Variants in CAV3 observed in about 807,000 individuals in gnomAD.
The protein encoded by CAV3 is caveolin-3.
Under a neutral mutation model 13.4 loss-of-function variants are expected in CAV3, and 10 were observed. That is an observed-to-expected ratio of 0.75 (90% CI 0.46 to 1.27). The LOEUF (loss-of-function observed/expected upper bound fraction) is 1.27, where lower values mean the gene tolerates loss of function less well. Ranked by LOEUF, CAV3 falls within the 50% of genes most tolerant of loss-of-function variation. The pLI is 0.00. For synonymous variants in CAV3, 90 were observed against 79.0 expected (o/e 1.14, Z -0.74); for missense variants, 162 against 194.0 (o/e 0.83, Z 0.98).
intron 1 of CAV3, among the ~76,000 whole-genome samples, chr3:8,738,396 G>A (rs1240550033): frequency 1.3e-5 from 2 of 152,218 alleles, no homozygotes; most frequent in Admixed American, 6.5e-5. Flanking sequence ...CTTGTTCCAG[G>A]TTTGTGCTCA....
intron 1 of CAV3, among the ~76,000 whole-genome samples, chr3:8,735,634 G>A (rs996604044): frequency 1.1e-4 from 16 of 152,306 alleles, no homozygotes; most frequent in African/African-American, 3.6e-4. Flanking sequence ...CGGTCTTTCA[G>A]TGGGGCACCT....
At chr3:8,742,504 G>A (rs147023912) in intron 1 of CAV3, 322 of 456,708 alleles carry the variant, frequency 7.1e-4, no homozygotes, top group Non-Finnish European at 1.1e-3. Flanking sequence ...AGCACAGACT[G>A]AGACACACGC....
rs79198901 is a variant in CAV3 at position 8,745,253 on chromosome 3, T to C, written c.115-273T>C. Among the ~76,000 whole-genome samples the C allele has an allele frequency of 0.012, 1,812 of 152,196 alleles. 31 individuals carry two copies. The highest frequency in any genetic ancestry group is 0.042 in the African/African-American group (1,732 of 41,504). On this transcript the variant is annotated intron_variant, in intron 1 of 1. Transcript: ENST00000343849. This position sits in a 1 kb window ranked among gnomAD's most constrained non-coding sequence, Gnocchi z 4.8. ...CCCTTCTCTAGCCATGGTTGAAAGC[T>C]CCCTGCGGCCTCACCTGAAGCCAAG...
intron 1 of CAV3, chr3:8,742,614 AT>A: frequency 2.2e-6 from 1 of 445,520 alleles, no homozygotes; most frequent in South Asian, 1.6e-5. Flanking sequence ...TGAAGGAATA[AT>A]TACCATCACT....
chr3:8,741,747 G>T (rs1371684715), intron 1 of CAV3, among the ~76,000 whole-genome samples: 1 of 152,138 alleles, frequency 6.6e-6, no homozygotes, highest in Non-Finnish European at 1.5e-5. Context: ...GGACTCTGGG[G>T]GAGGTATTTT....
intron 1 of CAV3, among the ~76,000 whole-genome samples, chr3:8,737,420 T>G (rs543680204): frequency 1.3e-5 from 2 of 151,486 alleles, no homozygotes; most frequent in East Asian, 3.9e-4. Context: ...GGATGAAGAG[T>G]AGGAGATAGG....
chr3:8,734,275 T>C (rs1038552844), intron 1 of CAV3, among the ~76,000 whole-genome samples: 4 of 152,128 alleles, frequency 2.6e-5, no homozygotes, highest in Non-Finnish European at 2.9e-5. Context: ...CCCTCCTTAC[T>C]ACTGTGACGC....
chr3:8,737,118 G>C (rs1306165281), intron 1 of CAV3, among the ~76,000 whole-genome samples: 1 of 152,158 alleles, frequency 6.6e-6, no homozygotes, highest in African/African-American at 2.4e-5. Context: ...GGGAATGAGG[G>C]AGACAGAGAG....
intron 1 of CAV3, among the ~76,000 whole-genome samples, chr3:8,741,524 G>A (rs1000111300): frequency 1.3e-5 from 2 of 152,062 alleles, no homozygotes; most frequent in Non-Finnish European, 2.9e-5. Context: ...TGGCCCAATC[G>A]TCTCTGTGTA....
In CAV3 at chr3:8,733,915, C is replaced by T. The variant is rs200562715; in HGVS notation, c.39C>T (p.Ile13=). Reference sequence around the variant, plus strand: ...AGCACACAGATCTCGAGGCCCAGATCGTCAAGGATATCCACTGCAAGGAGA... The same window carrying T: ...AGCACACAGATCTCGAGGCCCAGATTGTCAAGGATATCCACTGCAAGGAGA... ...AEEHTDLEAQ[I]VKDIHCKEID... is the part of the protein sequence containing the mutation. The change falls in exon 1 of 2, where the codon ATC becomes ATT. Residue 13 remains isoleucine, a synonymous_variant. Transcript: ENST00000343849. 6.7e-5 allele frequency: 108 copies of T among 1,613,270 alleles called. No homozygotes were observed. In the East Asian group the frequency reaches 1.4e-3, roughly 21 times the overall value.
At position 8,733,889 on chromosome 3, in the gene CAV3, G is replaced by A. The variant is rs1428083740; in HGVS notation, c.13G>A (p.Glu5Lys). 2 of 1,609,378 alleles carry A rather than the reference G, an allele frequency of 1.2e-6. No individual in the cohort carries two copies. The highest frequency in any genetic ancestry group is 4.5e-5 in the East Asian group (2 of 44,874). Reference protein sequence around the residue: MMAEEHTDLEAQIVK... With the variant: MMAEKHTDLEAQIVK... ...CCCCAGCTCTGCGATGATGGCAGAA[G>A]AGCACACAGATCTCGAGGCCCAGAT... Residue 5 changes from glutamate (E) to lysine (K), a missense_variant, in exon 1 of 2, where the codon GAG (glutamate) becomes AAG (lysine). Coordinates refer to ENST00000343849, the MANE Select transcript of CAV3 (RefSeq NM_033337.3).
At position 8,745,519 on chromosome 3, in the gene CAV3, C is replaced by T; in HGVS notation, c.115-7C>T. On this transcript the variant is annotated splice_region_variant and splice_polypyrimidine_tract_variant and intron_variant, in intron 1 of 1. Coordinates refer to ENST00000343849, the MANE Select transcript of CAV3 (RefSeq NM_033337.3). The surrounding 1 kb of genome is among the most constrained non-coding windows in gnomAD (Gnocchi z 4.8). Reference sequence around the variant, plus strand: ...TGAGTTGAGGCTTCCCCTTGCCACCCCTGCAGGTGGATTTTGAAGACGTGA... The same window carrying T: ...TGAGTTGAGGCTTCCCCTTGCCACCTCTGCAGGTGGATTTTGAAGACGTGA... 6.2e-7 allele frequency: 1 copy of T among 1,611,662 alleles called. No individual in the cohort carries two copies. Among genetic ancestry groups the T allele is most frequent in the East Asian group, 2.2e-5 (1 of 44,864 alleles).
chr3:8,744,217 G>A lies in CAV3; in HGVS notation c.115-1309G>A, dbSNP rs1375175286. Among the ~76,000 whole-genome samples, 4 of 152,138 alleles carry A rather than the reference G, an allele frequency of 2.6e-5. No homozygotes were observed. The East Asian group carries it at 5.8e-4, about 22-fold the overall frequency. Reference sequence around the variant, plus strand: ...GGCGGGCTGTACTGGTAACAACCATGGGGAGACCAGTCATGAAGCAGCTAA... The same window carrying A: ...GGCGGGCTGTACTGGTAACAACCATAGGGAGACCAGTCATGAAGCAGCTAA... On this transcript the variant is annotated intron_variant, in intron 1 of 1. Coordinates refer to ENST00000343849, the MANE Select transcript of CAV3 (RefSeq NM_033337.3).
chr3:8,745,575 AC>A lies in CAV3; in HGVS notation c.165del (p.Asp55GlufsTer6), dbSNP rs780411707. ...IAEPVGTYSF[D>X]GVWKVSYTTF... ...GAGCCTGTGGGCACCTACAGCTTTG[AC>A]GGCGTGTGGAAGGTGAGCTACACCA... On this transcript the variant is annotated frameshift_variant, in exon 2 of 2. Coordinates refer to ENST00000343849, the MANE Select transcript of CAV3 (RefSeq NM_033337.3). LOFTEE classifies it high-confidence loss of function. This position sits in a 1 kb window ranked among gnomAD's most constrained non-coding sequence, Gnocchi z 4.8. 6.2e-7 allele frequency: 1 copy of A among 1,614,002 alleles called. No individual in the cohort carries two copies. The highest frequency in any genetic ancestry group is 1.3e-5 in the African/African-American group (1 of 74,918).
chr3:8,744,273 G>A (rs1017833344), intron 1 of CAV3, among the ~76,000 whole-genome samples: 30 of 141,208 alleles, frequency 2.1e-4, no homozygotes, highest in African/African-American at 7.3e-4. Context: ...TTGACCAGTG[G>A]AATTTTTTTT....
intron 1 of CAV3, among the ~76,000 whole-genome samples, chr3:8,735,578 C>T (rs1707725700): frequency 6.6e-6 from 1 of 152,206 alleles, no homozygotes; most frequent in Non-Finnish European, 1.5e-5. Context: ...AGCCACATTT[C>T]AAGCGCTCAA....
Position 8,745,995 on chromosome 3 carries a change from G to T in CAV3, c.*128G>T. On this transcript the variant is annotated 3_prime_UTR_variant, in exon 2 of 2. Coordinates refer to ENST00000343849, the MANE Select transcript of CAV3 (RefSeq NM_033337.3). The surrounding 1 kb of genome is among the most constrained non-coding windows in gnomAD (Gnocchi z 4.8). The stretch of plus-strand genomic sequence containing the variant: ...GGACTGCTCCATACCCCATGATGGA[G>T]CACACGGTGTAGGGAAGCCAGAAAG... The T allele has an allele frequency of 1.4e-6, 1 of 711,006 alleles. No individual in the cohort carries two copies. The highest frequency in any genetic ancestry group is 2.3e-6 in the Non-Finnish European group (1 of 432,152). 44.0% of individuals were successfully genotyped at this position (711,006 alleles called of 1,614,324 possible).
At chr3:8,737,829 G>C (rs1475358766) in intron 1 of CAV3, among the ~76,000 whole-genome samples, 1 of 151,940 alleles carries the variant, frequency 6.6e-6, no homozygotes, top group Non-Finnish European at 1.5e-5. Flanking sequence ...CTCACCAGCA[G>C]GTACACCCAA....
intron 1 of CAV3, among the ~76,000 whole-genome samples, chr3:8,735,623 G>A (rs1224454082): frequency 6.6e-6 from 1 of 152,160 alleles, no homozygotes; most frequent in Non-Finnish European, 1.5e-5. Context: ...GGCCTGTATT[G>A]CGGTCTTTCA....
Sources: allele counts gnomAD v4.1 joint callset (sites outside exome capture counted in the v4.1 genomes callset), GRCh38; gene constraint gnomAD v4.1.1; non-coding constraint Gnocchi (gnomAD v3.1); transcripts MANE v1.5; gene names NCBI Gene and HGNC (gene_info 2026-07-23, HGNC 2026-07-21).